The following PTPA variants were observed in gnomAD, a reference collection of about 807,000 sequenced individuals.
The protein encoded by PTPA is serine/threonine-protein phosphatase 2A activator.
Under a neutral mutation model 43.6 loss-of-function variants are expected in PTPA, and 13 were observed. The observed-to-expected ratio is 0.30, with a 90% CI of 0.19 to 0.47. The LOEUF (loss-of-function observed/expected upper bound fraction) is 0.47. Ranked by LOEUF, PTPA falls within the 20% of genes least tolerant of loss-of-function variation. The pLI, the probability that PTPA is intolerant of heterozygous loss-of-function variation, is 0.99. For synonymous variants in PTPA, 172 were observed against 158.2 expected (o/e 1.09, Z -0.66); for missense variants, 329 against 411.9 (o/e 0.80, Z 1.74).
At chr9:129,128,711 C>T (rs936777696) in intron 3 of PTPA, among the ~76,000 whole-genome samples, 3 of 152,170 alleles carry the variant, frequency 2.0e-5, no homozygotes, top group African/African-American at 4.8e-5. Flanking sequence ...TTCTCTATAG[C>T]AGCAGCCCAT....
rs762165518 is a variant in PTPA at position 129,142,355 on chromosome 9, T to TGC, written c.787-89_787-88dup. 335 of 1,161,510 alleles carry TGC rather than the reference T, an allele frequency of 2.9e-4. 1 individual carries two copies. Among genetic ancestry groups the TGC allele is most frequent in the Middle Eastern group, 2.2e-3 (10 of 4,504 alleles). The allele number at this position is 1,161,510 out of a possible 1,614,324, so 72.0% of individuals were successfully genotyped here. A position where few individuals can be genotyped will look rare whatever the true frequency, so the allele number is the denominator to read the frequency against. On this transcript the variant is annotated intron_variant, in intron 8 of 9. Transcript: ENST00000393370. ...GTGTGCGTTTGTGTGTGTGTGTGTG[T>TGC]GCATGCATGGGTGTGACTTTGCTGC...
intron 9 of PTPA, 190 bp downstream of exon 9, chr9:129,142,742 A>AGCACCAGCC (rs2131624093): frequency 2.0e-6 from 3 of 1,537,090 alleles, no homozygotes; most frequent in African/African-American, 2.7e-5. Flanking sequence ...CAGTCAGAGA[A>AGCACCAGCC]GCACCAGCCA....
intron 1 of PTPA, among the ~76,000 whole-genome samples, chr9:129,117,925 C>T (rs1848987941): frequency 6.6e-6 from 1 of 151,892 alleles, no homozygotes; most frequent in Non-Finnish European, 1.5e-5. Context: ...TCTGGAACTC[C>T]TGACCTCAAA....
chr9:129,143,721 C>T (rs1588539211), intron 9 of PTPA: 1 of 341,694 alleles, frequency 2.9e-6, no homozygotes, highest in East Asian at 5.4e-5. Context: ...GCCCACATAC[C>T]TCTCTAATCT....
At chr9:129,121,773 C>G (rs1849263798) in intron 2 of PTPA, among the ~76,000 whole-genome samples, 1 of 152,214 alleles carries the variant, frequency 6.6e-6, no homozygotes, top group African/African-American at 2.4e-5. Context: ...GCTTCTTTGT[C>G]TGAATCCAAA....
At chr9:129,137,849 C>G in intron 8 of PTPA, 157 bp downstream of exon 8, 1 of 712,970 alleles carries the variant, frequency 1.4e-6, no homozygotes, top group Non-Finnish European at 2.5e-6. Flanking sequence ...CACTGGGCCT[C>G]TTCCGAAAGA....
intron 1 of PTPA, among the ~76,000 whole-genome samples, chr9:129,113,591 A>G (rs1848685391): frequency 6.6e-6 from 1 of 151,806 alleles, no homozygotes; most frequent in East Asian, 2.0e-4. Context: ...CCAACATGGC[A>G]AAACCCCGTC....
At chr9:129,124,494 C>G (rs191484545) in intron 3 of PTPA, among the ~76,000 whole-genome samples, 27 of 152,270 alleles carry the variant, frequency 1.8e-4, no homozygotes, top group African/African-American at 6.0e-4. Flanking sequence ...TCAAAGGGCA[C>G]ATGCATTTTT....
chr9:129,114,220 G>A (rs1229325947), intron 1 of PTPA, among the ~76,000 whole-genome samples: 3 of 152,046 alleles, frequency 2.0e-5, no homozygotes, highest in Admixed American at 6.6e-5. Flanking sequence ...ATGGGATTTC[G>A]CCGTGTGGGC....
At position 129,138,035 on chromosome 9, in the gene PTPA, G is replaced by T. The variant is rs900874904; in HGVS notation, c.786+343G>T. 3 of 357,242 alleles carry T rather than the reference G, an allele frequency of 8.4e-6. No individual in the cohort carries two copies. The East Asian group carries it at 2.0e-4, about 24-fold the overall frequency. The allele number at this position is 357,242 out of a possible 1,614,324, so 22.1% of individuals were successfully genotyped here. A position where few individuals can be genotyped will look rare whatever the true frequency, so the allele number is the denominator to read the frequency against. Reference sequence around the variant, plus strand: ...TTGTGGGGGAGGGTCAGCATCTTTCGGTGGGGCCCCACAAGGGTCTGTAGA... The same window carrying T: ...TTGTGGGGGAGGGTCAGCATCTTTCTGTGGGGCCCCACAAGGGTCTGTAGA... On this transcript the variant is annotated intron_variant, in intron 8 of 9. Transcript: ENST00000393370.
At chr9:129,117,529 G>A (rs187668596) in intron 1 of PTPA, among the ~76,000 whole-genome samples, 2 of 151,030 alleles carry the variant, frequency 1.3e-5, no homozygotes, top group Non-Finnish European at 3.0e-5. Flanking sequence ...TCAGCCTCCC[G>A]AGTAGCTGGG....
intron 3 of PTPA, 144 bp from the exon 4 acceptor site, chr9:129,128,841 C>A (rs1004808040): frequency 1.8e-5 from 17 of 959,236 alleles, no homozygotes; most frequent in African/African-American, 1.5e-4. Context: ...ATATTCAGAA[C>A]AGTGGGGAAG....
At chr9:129,145,208 G>A (rs1168057575) in intron 9 of PTPA, among the ~76,000 whole-genome samples, 2 of 151,802 alleles carry the variant, frequency 1.3e-5, no homozygotes, top group African/African-American at 4.8e-5. Flanking sequence ...GTGCGCACCT[G>A]TAATTCCAGC....
At chr9:129,121,283 G>A (rs1849233422) in intron 2 of PTPA, among the ~76,000 whole-genome samples, 2 of 152,210 alleles carry the variant, frequency 1.3e-5, no homozygotes, top group African/African-American at 2.4e-5. Flanking sequence ...AGAAGGCTGG[G>A]CACAGGGGTC....
At chr9:129,147,257 CT>C in intron 9 of PTPA, 129 bp from the exon 10 acceptor site, 1 of 820,012 alleles carries the variant, frequency 1.2e-6, no homozygotes, top group Non-Finnish European at 2.0e-6. Context: ...GGAGGAAGGC[CT>C]GGGGGATCCC....
Position 129,148,606 on chromosome 9 carries a change from A to C in PTPA, c.*1142A>C, listed in dbSNP as rs1017750495. On this transcript the variant is annotated 3_prime_UTR_variant, in exon 10 of 10. Coordinates refer to ENST00000393370, the MANE Select transcript of PTPA (RefSeq NM_178000.3). The stretch of plus-strand genomic sequence containing the variant: ...GCAGGCCCATTGAGGGCCACCGCCG[A>C]GGTTTCTCCTAGGGCTGTTCCTGGG... The C allele has an allele frequency of 6.6e-6, 1 of 152,646 alleles. No individual in the cohort carries two copies. Among genetic ancestry groups the C allele is most frequent in the African/African-American group, 2.4e-5 (1 of 41,428 alleles). The allele number at this position is 152,646 out of a possible 1,614,324, so 9.5% of individuals were successfully genotyped here. A position where few individuals can be genotyped will look rare whatever the true frequency, so the allele number is the denominator to read the frequency against.
At chr9:129,115,684 G>T (rs964518934) in intron 1 of PTPA, among the ~76,000 whole-genome samples, 6 of 151,954 alleles carry the variant, frequency 3.9e-5, no homozygotes, top group African/African-American at 1.5e-4. Flanking sequence ...TTGTTGCCCA[G>T]GCTGGAGTAC....
At chr9:129,142,334 GCGTTTGTGTGTGTGTGTGTGTGCA>G in intron 8 of PTPA, 87 bp from the exon 9 acceptor site, 4 of 938,880 alleles carry the variant, frequency 4.3e-6, no homozygotes, top group Non-Finnish European at 6.2e-6. Context: ...GTGTGCGTGT[GCGTTTGTGTGTGTGTGTGTGTGCA>G]TGCATGGGTG....
chr9:129,137,873 G>A (rs1446605125), intron 8 of PTPA, 181 bp downstream of exon 8: 1 of 656,690 alleles, frequency 1.5e-6, no homozygotes, highest in East Asian at 2.9e-5. Flanking sequence ...GCTGCTGACT[G>A]TCAGGTCCTC....
Sources: gnomAD v4.1 joint callset for allele counts (sites outside exome capture counted in the v4.1 genomes callset) on GRCh38, gnomAD v4.1.1 for gene constraint, MANE v1.5 for transcripts, NCBI Gene and HGNC (gene_info 2026-07-23, HGNC 2026-07-21) for gene names.